Variants in GRIN2D observed in about 807,000 individuals in gnomAD.
GRIN2D encodes the protein glutamate receptor ionotropic, NMDA 2D.
A neutral mutation model predicts 103.2 loss-of-function variants in GRIN2D; 37 were observed. The observed-to-expected ratio is 0.36, with a 90% CI of 0.28 to 0.47. The LOEUF (loss-of-function observed/expected upper bound fraction) is 0.47. GRIN2D is among the 20% of genes least tolerant of loss of function. The probability of loss-of-function intolerance (pLI) is 1.00; values close to 1 mark genes in which losing one functional copy is unlikely to be tolerated. For missense variants in GRIN2D, 1,557 were observed against 1,910.6 expected (o/e 0.81, Z 3.45); for synonymous variants, 845 against 885.6 (o/e 0.95, Z 0.81).
rs10406134 is a variant in GRIN2D at position 48,419,443 on chromosome 19, G to C, written c.1861+84G>C. The C allele has an allele frequency of 4.0e-4, 605 of 1,514,090 alleles. 3 individuals carry two copies. In the East Asian group the frequency reaches 0.011, roughly 28 times the overall value. 93.8% of individuals were successfully genotyped at this position (1,514,090 alleles called of 1,614,324 possible). ...CTACATTTCCCAGCAGCCCCTGGAGGGGGGGCGGTCAAGCTAGGGCCTCTC... is the reference window on the plus strand; with the variant it reads ...CTACATTTCCCAGCAGCCCCTGGAGCGGGGGCGGTCAAGCTAGGGCCTCTC... On this transcript the variant is annotated intron_variant, in intron 9 of 13. Coordinates refer to ENST00000263269, the MANE Select transcript of GRIN2D (RefSeq NM_000836.4).
Position 48,441,760 on chromosome 19 carries a change from T to TC in GRIN2D, c.2253-3dup, listed in dbSNP as rs1971294862. 1 of 1,603,236 alleles carries TC rather than the reference T, an allele frequency of 6.2e-7. No individual in the cohort carries two copies. On this transcript the variant is annotated splice_polypyrimidine_tract_variant and intron_variant, in intron 11 of 13. Coordinates refer to ENST00000263269, the MANE Select transcript of GRIN2D (RefSeq NM_000836.4). ...GACTGACCCTACCCTCCATTCCCCC[T>TC]CCCCCCAGGAAGCTGGACGCCTTCA...
chr19:48,398,877 G>A lies in GRIN2D; in HGVS notation c.465+20G>A. 2.3e-6 allele frequency: 3 copies of A among 1,322,112 alleles called. No homozygotes were observed. The allele number at this position is 1,322,112 out of a possible 1,614,324, so 81.9% of individuals were successfully genotyped here. On this transcript the variant is annotated intron_variant, in intron 3 of 13. Coordinates refer to ENST00000263269, the MANE Select transcript of GRIN2D (RefSeq NM_000836.4). ...CCCAAGGTGCGCGCGACCGGGGCGG[G>A]GCGGGGCCACAGGAGGGGCGGGGAC...
At chr19:48,395,744 G>GC (rs993040133) in intron 2 of GRIN2D, among the ~76,000 whole-genome samples, 34 of 152,182 alleles carry the variant, frequency 2.2e-4, no homozygotes, top group African/African-American at 6.7e-4. Context: ...CGGTGGGGGG[G>GC]CACCCAGGAT....
Position 48,414,889 on chromosome 19 carries a change from G to C in GRIN2D, c.1438G>C (p.Glu480Gln). ...HSPPPDAPRP[E>Q]KRCCKGFCID... ...CCCTCCACCGGATGCCCCCCGCCCG[G>C]AAAAGCGCTGCTGCAAGGGTTTCTG... The change falls in exon 7 of 14, where the codon GAA becomes CAA. Residue 480 changes from glutamate (E) to glutamine (Q), a missense_variant. Glu to Gln is a conservative substitution (Grantham distance 29). Around this residue, in one of 7 missense-constraint regions of GRIN2D, gnomAD observed 197 missense variants for 334.1 expected, o/e 0.59. Coordinates refer to ENST00000263269, the MANE Select transcript of GRIN2D (RefSeq NM_000836.4). This position sits in a 1 kb window ranked among gnomAD's most constrained non-coding sequence, Gnocchi z 4.6. 1 of 1,614,114 alleles carries C rather than the reference G, an allele frequency of 6.2e-7. No homozygotes were observed. Among genetic ancestry groups the C allele is most frequent in the Non-Finnish European group, 8.5e-7 (1 of 1,180,030 alleles).
chr19:48,397,919 A>C (rs749943709), intron 2 of GRIN2D, among the ~76,000 whole-genome samples: 1 of 142,390 alleles, frequency 7.0e-6, no homozygotes, highest in African/African-American at 2.7e-5. Context: ...CCCCAATCCC[A>C]TACTCCACTT....
chr19:48,398,787 T>C lies in GRIN2D; in HGVS notation c.395T>C (p.Phe132Ser). ...RAPAVAPILD[F>S]LSAQTSLPIV... The stretch of plus-strand genomic sequence containing the variant: ...CCCGCCGTCGCGCCCATCCTCGACT[T>C]CCTGTCGGCGCAGACCTCGCTGCCC... The change falls in exon 3 of 14, where the codon TTC (phenylalanine) becomes TCC (serine). Residue 132 changes from phenylalanine to serine, a missense_variant. Physicochemically the swap from Phe to Ser is radical, Grantham distance 155 (BLOSUM62 -2). Around this residue, in one of 7 missense-constraint regions of GRIN2D, gnomAD observed 490 missense variants for 601.1 expected, o/e 0.82. Transcript: ENST00000263269. 6.8e-7 allele frequency: 1 copy of C among 1,460,086 alleles called. No individual in the cohort carries two copies. Among genetic ancestry groups the C allele is most frequent in the Non-Finnish European group, 9.0e-7 (1 of 1,111,364 alleles). 90.4% of individuals were successfully genotyped at this position (1,460,086 alleles called of 1,614,324 possible).
chr19:48,425,840 G>A (rs77935146), intron 11 of GRIN2D, among the ~76,000 whole-genome samples: 12,029 of 152,000 alleles, frequency 0.079, 776 homozygotes, highest in African/African-American at 0.18. Flanking sequence ...TACAAAAAGC[G>A]TGCAACTCAT....
In GRIN2D at chr19:48,442,482, G is replaced by C; in HGVS notation, c.2673+100G>C. 6.6e-7 allele frequency: 1 copy of C among 1,523,700 alleles called. No individual in the cohort carries two copies. The highest frequency in any genetic ancestry group is 8.8e-7 in the Non-Finnish European group (1 of 1,134,304). 94.4% of individuals were successfully genotyped at this position (1,523,700 alleles called of 1,614,324 possible). A position where few individuals can be genotyped will look rare whatever the true frequency, so the allele number is the denominator to read the frequency against. On this transcript the variant is annotated intron_variant, in intron 13 of 13. Transcript: ENST00000263269. The surrounding 1 kb of genome is among the most constrained non-coding windows in gnomAD (Gnocchi z 7.2). ...GGAGATGTGGGTCGAGATGTGGATA[G>C]TGGGGAAGAGAGCGGGAAACACAGG...
intron 4 of GRIN2D, among the ~76,000 whole-genome samples, chr19:48,411,675 A>T (rs1035453766): frequency 8.6e-5 from 13 of 151,954 alleles, no homozygotes; most frequent in African/African-American, 3.1e-4. Flanking sequence ...ATAAATAAGA[A>T]GAATAGTTGG....
chr19:48,413,120 G>A (rs1451880765), intron 4 of GRIN2D, among the ~76,000 whole-genome samples: 1 of 141,506 alleles, frequency 7.1e-6, no homozygotes, highest in Non-Finnish European at 1.5e-5. Flanking sequence ...TGGGCAACAA[G>A]AGCAAGACTC....
intron 4 of GRIN2D, among the ~76,000 whole-genome samples, chr19:48,411,178 T>A (rs1970854670): frequency 6.6e-6 from 1 of 151,814 alleles, no homozygotes; most frequent in Admixed American, 6.6e-5. Flanking sequence ...AAAAATTAGT[T>A]GGGCATGGCG....
At chr19:48,408,894 G>C (rs1296697575) in intron 4 of GRIN2D, among the ~76,000 whole-genome samples, 3 of 152,186 alleles carry the variant, frequency 2.0e-5, no homozygotes, top group Admixed American at 6.6e-5. Context: ...CTCAGTGAAG[G>C]GAGAGGGAAC....
At position 48,441,963 on chromosome 19, in the gene GRIN2D, C is replaced by G; in HGVS notation, c.2440+7C>G. The G allele has an allele frequency of 6.3e-7, 1 of 1,599,558 alleles. No homozygotes were observed. Among genetic ancestry groups the G allele is most frequent in the Non-Finnish European group, 8.5e-7 (1 of 1,174,250 alleles). Reference sequence around the variant, plus strand: ...CTGCAGTTCCTGGGGGATGGTGCGGCTGCACACAGGGATTTCCACAGCGGA... The same window carrying G: ...CTGCAGTTCCTGGGGGATGGTGCGGGTGCACACAGGGATTTCCACAGCGGA... On this transcript the variant is annotated splice_region_variant and intron_variant, in intron 12 of 13. Transcript: ENST00000263269.
At chr19:48,411,469 G>A (rs1018094714) in intron 4 of GRIN2D, among the ~76,000 whole-genome samples, 1 of 151,892 alleles carries the variant, frequency 6.6e-6, no homozygotes, top group Admixed American at 6.6e-5. Context: ...GACCAACATG[G>A]TGAAACCCTG....
chr19:48,437,116 T>C (rs1048589890), intron 11 of GRIN2D, among the ~76,000 whole-genome samples: 3 of 152,078 alleles, frequency 2.0e-5, no homozygotes, highest in African/African-American at 7.2e-5. Context: ...CTGAGGTCTT[T>C]TTGTTTTGTT....
chr19:48,398,349 C>G lies in GRIN2D; in HGVS notation c.-26-18C>G. ...GTGCCTCCCTCTCCTCCCCGTCTCT[C>G]CCGGCCCGGGCGCTCAGAGGCCGCC... On this transcript the variant is annotated intron_variant, in intron 2 of 13. Transcript: ENST00000263269. 1 of 1,063,726 alleles carries G rather than the reference C, an allele frequency of 9.4e-7. No homozygotes were observed. Among genetic ancestry groups the G allele is most frequent in the Non-Finnish European group, 1.1e-6 (1 of 873,136 alleles). The allele number at this position is 1,063,726 out of a possible 1,614,324, so 65.9% of individuals were successfully genotyped here.
chr19:48,410,356 C>T (rs1464468756), intron 4 of GRIN2D, among the ~76,000 whole-genome samples: 4 of 150,970 alleles, frequency 2.6e-5, no homozygotes, highest in African/African-American at 9.7e-5. Context: ...AGCAAAACCC[C>T]GTCTCTACTA....
At chr19:48,438,798 A>T (rs1218521547) in intron 11 of GRIN2D, among the ~76,000 whole-genome samples, 1 of 150,864 alleles carries the variant, frequency 6.6e-6, no homozygotes, top group Non-Finnish European at 1.5e-5. Flanking sequence ...TTTTGTTTTT[A>T]GAGACAGGGT....
chr19:48,427,802 T>G (rs753690265), intron 11 of GRIN2D, among the ~76,000 whole-genome samples: 1 of 152,064 alleles, frequency 6.6e-6, no homozygotes, highest in Non-Finnish European at 1.5e-5. Context: ...CTTTTTAATT[T>G]ACTTTGATGT....
Sources: allele counts gnomAD v4.1 joint callset (sites outside exome capture counted in the v4.1 genomes callset), GRCh38; gene constraint gnomAD v4.1.1; regional missense constraint gnomAD v4.1.1; non-coding constraint Gnocchi (gnomAD v3.1); transcripts MANE v1.5; gene names NCBI Gene and HGNC (gene_info 2026-07-23, HGNC 2026-07-21).